The following FHIP1A variants were observed in gnomAD, a reference collection of about 807,000 sequenced individuals.
The protein encoded by FHIP1A is FHF complex subunit HOOK interacting protein 1A.
Under a neutral mutation model 88.6 loss-of-function variants are expected in FHIP1A, and 61 were observed. The observed-to-expected ratio is 0.69, with a 90% confidence interval of 0.56 to 0.85. The LOEUF (loss-of-function observed/expected upper bound fraction) is 0.85, where lower values mean the gene tolerates loss of function less well. Ranked by LOEUF, FHIP1A falls within the 40% of genes least tolerant of loss-of-function variation. The pLI is 0.00. For missense variants in FHIP1A, 1,154 were observed against 1,273.5 expected (o/e 0.91, Z 1.43); for synonymous variants, 478 against 496.0 (o/e 0.96, Z 0.48).
At chr4:151,574,005 C>G (rs1352146844) in intron 4 of FHIP1A, among the ~76,000 whole-genome samples, 1 of 152,180 alleles carries the variant, frequency 6.6e-6, no homozygotes, top group Non-Finnish European at 1.5e-5. Flanking sequence ...CATTCCCTGC[C>G]AACATAGGAA....
intron 3 of FHIP1A, among the ~76,000 whole-genome samples, chr4:151,523,604 G>T (rs921231438): frequency 3.9e-5 from 6 of 152,144 alleles, no homozygotes; most frequent in Admixed American, 1.3e-4. Flanking sequence ...GCTCTTAGGG[G>T]TTGGGAGCAC....
At chr4:151,573,358 C>T (rs904106976) in intron 4 of FHIP1A, among the ~76,000 whole-genome samples, 1 of 151,998 alleles carries the variant, frequency 6.6e-6, no homozygotes, top group African/African-American at 2.4e-5. Context: ...AGCTATGATC[C>T]GCAAAACGTT....
intron 1 of FHIP1A, among the ~76,000 whole-genome samples, chr4:151,431,166 G>T (rs1466927584): frequency 1.3e-5 from 2 of 152,108 alleles, no homozygotes; most frequent in African/African-American, 4.8e-5. Context: ...GGTGGAAAAG[G>T]CCTTTCAGTG....
chr4:151,668,487 C>A lies in FHIP1A; in HGVS notation c.*5733C>A, dbSNP rs1201139709. Among the ~76,000 whole-genome samples the A allele has an allele frequency of 6.6e-6, 1 of 152,134 alleles. No homozygotes were observed. Among genetic ancestry groups the A allele is most frequent in the African/African-American group, 2.4e-5 (1 of 41,438 alleles). On this transcript the variant is annotated 3_prime_UTR_variant, in exon 14 of 14. Coordinates refer to ENST00000435205, the MANE Select transcript of FHIP1A (RefSeq NM_001109977.3). ...GGTGGGGGAGCTCAGCTAAAATATC[C>A]TTACTTTGGTGCAATAATGATCTAG...
At chr4:151,501,427 A>G (rs1460918775) in intron 3 of FHIP1A, among the ~76,000 whole-genome samples, 2 of 152,120 alleles carry the variant, frequency 1.3e-5, no homozygotes, top group Non-Finnish European at 2.9e-5. Context: ...CTATTTCTCC[A>G]CATCCTCACT....
Position 151,443,685 on chromosome 4 carries a change from C to G in FHIP1A, c.-355-11016C>G, listed in dbSNP as rs201303516. Among the ~76,000 whole-genome samples, 196 of 122,174 alleles carry G rather than the reference C, an allele frequency of 1.6e-3. 6 individuals carry two copies. In the East Asian group the frequency reaches 0.04, roughly 25 times the overall value. 80.2% of individuals were successfully genotyped at this position (122,174 alleles called of 152,430 possible). ...GAGTGAGAATTCTAAATGAAGCACTCTGTGTGTGTGTGTGTGTGTGTGTGT... is the reference window on the plus strand; with the variant it reads ...GAGTGAGAATTCTAAATGAAGCACTGTGTGTGTGTGTGTGTGTGTGTGTGT... On this transcript the variant is annotated intron_variant, in intron 1 of 13. Coordinates refer to ENST00000435205, the MANE Select transcript of FHIP1A (RefSeq NM_001109977.3).
At chr4:151,507,957 C>T (rs11929949) in intron 3 of FHIP1A, among the ~76,000 whole-genome samples, 1,674 of 152,204 alleles carry the variant, frequency 0.011, 33 homozygotes, top group African/African-American at 0.036. Context: ...TCTTTCTTGA[C>T]GCATTTTGAA....
chr4:151,447,490 A>C (rs1728648717), intron 1 of FHIP1A, among the ~76,000 whole-genome samples: 1 of 152,170 alleles, frequency 6.6e-6, no homozygotes, highest in South Asian at 2.1e-4. Flanking sequence ...CATTTCCTCG[A>C]ATCACCATAC....
intron 7 of FHIP1A, among the ~76,000 whole-genome samples, chr4:151,610,356 A>T (rs187014833): frequency 5.1e-4 from 77 of 152,322 alleles, no homozygotes; most frequent in African/African-American, 1.7e-3. Context: ...ATGCCACCCC[A>T]TAATGCCACC....
chr4:151,553,710 T>C (rs946068822), intron 3 of FHIP1A, among the ~76,000 whole-genome samples: 1 of 152,204 alleles, frequency 6.6e-6, no homozygotes, highest in Non-Finnish European at 1.5e-5. Context: ...AAACCAGTTG[T>C]TACAGCTTCT....
At chr4:151,499,734 C>T (rs1468044813) in intron 3 of FHIP1A, among the ~76,000 whole-genome samples, 3 of 152,150 alleles carry the variant, frequency 2.0e-5, no homozygotes, top group African/African-American at 7.2e-5. Flanking sequence ...GGGAAGCAAA[C>T]ACATCCTTCT....
At chr4:151,455,153 A>C (rs149002164) in intron 2 of FHIP1A, among the ~76,000 whole-genome samples, 1 of 152,300 alleles carries the variant, frequency 6.6e-6, no homozygotes, top group African/African-American at 2.4e-5. Flanking sequence ...AGGCTTAGTA[A>C]AATTAATTTT....
At chr4:151,574,274 G>A (rs1733701623) in intron 4 of FHIP1A, among the ~76,000 whole-genome samples, 1 of 152,196 alleles carries the variant, frequency 6.6e-6, no homozygotes, top group Non-Finnish European at 1.5e-5. Flanking sequence ...CCATCTGAAG[G>A]CAGTATAAGG....
chr4:151,483,807 A>G (rs1339029976), intron 3 of FHIP1A, among the ~76,000 whole-genome samples: 1 of 152,144 alleles, frequency 6.6e-6, no homozygotes, highest in Non-Finnish European at 1.5e-5. Context: ...ACAGTTTAAG[A>G]TACGGAACAG....
At chr4:151,451,884 T>A (rs1256602214) in intron 1 of FHIP1A, among the ~76,000 whole-genome samples, 1 of 151,554 alleles carries the variant, frequency 6.6e-6, no homozygotes, top group Non-Finnish European at 1.5e-5. Flanking sequence ...GCCATGGCAC[T>A]CTCACGGCTC....
intron 3 of FHIP1A, among the ~76,000 whole-genome samples, chr4:151,485,146 A>C (rs965548376): frequency 6.6e-6 from 1 of 152,144 alleles, no homozygotes; most frequent in African/African-American, 2.4e-5. Flanking sequence ...TCTTTTCATA[A>C]TTTTATCAAT....
intron 5 of FHIP1A, 67 bp from the exon 6 acceptor site, chr4:151,586,574 G>C: frequency 7.5e-7 from 1 of 1,328,130 alleles, no homozygotes; most frequent in South Asian, 1.4e-5. Flanking sequence ...GGCATCACCT[G>C]TGAGCTGTTA....
chr4:151,531,528 C>A (rs1027627207), intron 3 of FHIP1A, among the ~76,000 whole-genome samples: 1 of 150,908 alleles, frequency 6.6e-6, no homozygotes, highest in East Asian at 1.9e-4. Context: ...CCTTATGAAC[C>A]AGTCTGGCCG....
intron 1 of FHIP1A, among the ~76,000 whole-genome samples, chr4:151,446,581 C>CT (rs35115788): frequency 2.4e-3 from 261 of 109,968 alleles, no homozygotes; most frequent in African/African-American, 3.9e-3. Context: ...TGTTCTTTTT[C>CT]TTTTTTTTTT....
Sources: allele counts gnomAD v4.1 joint callset (sites outside exome capture counted in the v4.1 genomes callset), GRCh38; gene constraint gnomAD v4.1.1; transcripts MANE v1.5; gene names NCBI Gene and HGNC (gene_info 2026-07-23, HGNC 2026-07-21).